Variants in PCDH15 observed in about 807,000 individuals in gnomAD.
The protein encoded by PCDH15 is protocadherin-15.
A neutral mutation model predicts 178.5 loss-of-function variants in PCDH15; 129 were observed. The ratio of observed to expected loss-of-function variants is 0.72; its 90% CI spans 0.63 to 0.84. PCDH15 has a LOEUF of 0.84. Ranked by LOEUF, PCDH15 falls within the 40% of genes least tolerant of loss-of-function variation. PCDH15 has a pLI of 0.00. For synonymous variants in PCDH15, 800 were observed against 732.0 expected (o/e 1.09, Z -1.50); for missense variants, 2,230 against 2,099.9 (o/e 1.06, Z -1.21).
chr10:54,246,362 A>G (rs2055923091), intron 8 of PCDH15, among the ~76,000 whole-genome samples: 1 of 151,904 alleles, frequency 6.6e-6, no homozygotes, highest in Admixed American at 6.6e-5. Flanking sequence ...CCTGATTTGT[A>G]ATATGAAAGA....
At chr10:54,634,450 T>G (rs1159623841) in intron 2 of PCDH15, among the ~76,000 whole-genome samples, 4 of 152,044 alleles carry the variant, frequency 2.6e-5, no homozygotes, top group African/African-American at 9.7e-5. Context: ...TCATTTTAAT[T>G]ATTGGAGGTC....
intron 2 of PCDH15, among the ~76,000 whole-genome samples, chr10:54,615,950 T>G (rs2093130884): frequency 6.6e-6 from 1 of 152,002 alleles, no homozygotes; most frequent in Non-Finnish European, 1.5e-5. Context: ...CAGACACTGG[T>G]GAACTAAAAA....
chr10:54,288,566 T>C (rs1413056607), intron 8 of PCDH15, among the ~76,000 whole-genome samples: 1 of 152,116 alleles, frequency 6.6e-6, no homozygotes, highest in Non-Finnish European at 1.5e-5. Flanking sequence ...GGGTGTCACC[T>C]CACCCAGGAA....
At chr10:54,302,454 G>T (rs1287548816) in intron 8 of PCDH15, among the ~76,000 whole-genome samples, 2 of 152,122 alleles carry the variant, frequency 1.3e-5, no homozygotes, top group Admixed American at 1.3e-4. Context: ...GTTGGGAGGT[G>T]ATTAGGTCAT....
chr10:54,843,681 A>G (rs939817671), intron 3 of PCDH15, among the ~76,000 whole-genome samples: 3 of 152,146 alleles, frequency 2.0e-5, no homozygotes, highest in East Asian at 1.9e-4. Context: ...TCATTAAGAT[A>G]ATTTGACGAT....
intron 18 of PCDH15, among the ~76,000 whole-genome samples, chr10:54,037,152 C>T (rs2093434675): frequency 1.3e-5 from 2 of 151,896 alleles, no homozygotes; most frequent in African/African-American, 2.4e-5. Flanking sequence ...ATGATACCTA[C>T]TCCTAATGAA....
chr10:54,046,490 T>G (rs1307250967), intron 18 of PCDH15, among the ~76,000 whole-genome samples: 1 of 152,004 alleles, frequency 6.6e-6, no homozygotes, highest in African/African-American at 2.4e-5. Context: ...TAGTAAAAAG[T>G]TAAATATGAA....
At chr10:55,016,940 T>C (rs1261493239) in intron 2 of PCDH15, among the ~76,000 whole-genome samples, 1 of 144,768 alleles carries the variant, frequency 6.9e-6, no homozygotes, top group African/African-American at 2.5e-5. Context: ...CCCTAATGAG[T>C]AAGAGTATAA....
intron 1 of PCDH15, among the ~76,000 whole-genome samples, chr10:55,294,337 G>A (rs990693902): frequency 2.0e-5 from 3 of 152,154 alleles, no homozygotes; most frequent in Non-Finnish European, 2.9e-5. Flanking sequence ...GCTCTGGATT[G>A]CTCACGGTTA....
chr10:55,491,463 T>A (rs1840416091), intron 2 of PCDH15, among the ~76,000 whole-genome samples: 1 of 151,562 alleles, frequency 6.6e-6, no homozygotes, highest in Non-Finnish European at 1.5e-5. Flanking sequence ...TTCACGATGG[T>A]TGGGGAAAGT....
intron 1 of PCDH15, among the ~76,000 whole-genome samples, chr10:54,749,441 T>C (rs2132945644): frequency 6.6e-6 from 1 of 152,268 alleles, no homozygotes; most frequent in African/African-American, 2.4e-5. Context: ...TTTGGTTTAG[T>C]AGAAGCCACA....
chr10:54,539,288 C>T, intron 2 of PCDH15, among the ~76,000 whole-genome samples: 1 of 152,070 alleles, frequency 6.6e-6, no homozygotes, highest in East Asian at 1.9e-4. Context: ...GGAGAAAGAT[C>T]TATCATGCAA....
At chr10:54,945,422 G>A (rs539823555) in intron 2 of PCDH15, among the ~76,000 whole-genome samples, 6 of 150,878 alleles carry the variant, frequency 4.0e-5, no homozygotes, top group South Asian at 2.1e-4. Flanking sequence ...ATGACTACAC[G>A]AGGTCTTTCC....
intron 3 of PCDH15, among the ~76,000 whole-genome samples, chr10:54,390,694 A>G (rs938510276): frequency 4.6e-5 from 7 of 152,146 alleles, no homozygotes; most frequent in African/African-American, 1.7e-4. Context: ...CCTAGAATCA[A>G]TGAGAGATGG....
At chr10:55,285,914 C>T (rs1303735461) in intron 1 of PCDH15, among the ~76,000 whole-genome samples, 1 of 151,902 alleles carries the variant, frequency 6.6e-6, no homozygotes. Flanking sequence ...TTTAGTGAAG[C>T]ATATACTGAT....
intron 1 of PCDH15, among the ~76,000 whole-genome samples, chr10:54,744,485 C>G (rs1945212572): frequency 6.6e-6 from 1 of 151,982 alleles, no homozygotes; most frequent in Non-Finnish European, 1.5e-5. Context: ...CAAGCAAGAA[C>G]TAGATACAGT....
intron 8 of PCDH15, among the ~76,000 whole-genome samples, chr10:54,262,359 C>G (rs2057375273): frequency 6.6e-6 from 1 of 152,174 alleles, no homozygotes; most frequent in Non-Finnish European, 1.5e-5. Flanking sequence ...GATTAAGGTA[C>G]ATCTGGTCCA....
At chr10:54,067,198 G>A (rs1425933115) in intron 17 of PCDH15, among the ~76,000 whole-genome samples, 2 of 152,054 alleles carry the variant, frequency 1.3e-5, no homozygotes, top group African/African-American at 4.8e-5. Context: ...TGGGTGGCAA[G>A]CTTTTGTTTA....
At position 55,567,890 on chromosome 10, in the gene PCDH15, G is replaced by A. The variant is rs535093859; in HGVS notation, c.-156+59735C>T. On this transcript the variant is annotated intron_variant, in intron 2 of 5. Coordinates refer to the PCDH15 transcript ENST00000613346. ...ATACCAGCCCATACCCATTTAGGAT[G>A]GAAGCTATCAAAATAAAACAGAAAA... 5.9e-5 allele frequency among the ~76,000 whole-genome samples: 9 copies of A among 151,892 alleles called. No homozygotes were observed. In the South Asian group the frequency reaches 1.9e-3, roughly 32 times the overall value.
Sources: gnomAD v4.1 joint callset for allele counts (sites outside exome capture counted in the v4.1 genomes callset) on GRCh38, gnomAD v4.1.1 for gene constraint, MANE v1.5 for transcripts, NCBI Gene and HGNC (gene_info 2026-07-23, HGNC 2026-07-21) for gene names.